LRMDA: variants seen among roughly 807,000 people sequenced by gnomAD.
LRMDA encodes the protein leucine-rich melanocyte differentiation-associated protein.
Under a neutral mutation model 29.8 loss-of-function variants are expected in LRMDA, and 18 were observed. The observed-to-expected ratio is 0.60, with a 90% CI of 0.42 to 0.90. The LOEUF (loss-of-function observed/expected upper bound fraction) is 0.90, where lower values mean the gene tolerates loss of function less well. Ranked by LOEUF, LRMDA falls within the 40% of genes least tolerant of loss-of-function variation. The probability of loss-of-function intolerance (pLI) is 0.00; values close to 1 mark genes in which losing one functional copy is unlikely to be tolerated. For synonymous variants in LRMDA, 125 were observed against 109.4 expected (o/e 1.14, Z -0.89); for missense variants, 273 against 273.9 (o/e 1.00, Z 0.02).
At chr10:75,818,883 T>C (rs1027811031) in intron 2 of LRMDA, among the ~76,000 whole-genome samples, 3 of 152,140 alleles carry the variant, frequency 2.0e-5, no homozygotes, top group African/African-American at 7.2e-5. Flanking sequence ...ATGAGTAAAG[T>C]AGGGGCAATG....
At chr10:75,845,284 C>T (rs189387128) in intron 2 of LRMDA, among the ~76,000 whole-genome samples, 27 of 152,036 alleles carry the variant, frequency 1.8e-4, no homozygotes, top group African/African-American at 6.3e-4. Context: ...TTAGGCTTAT[C>T]AGCAACAATG....
At chr10:76,021,928 A>T (rs2132492098) in intron 2 of LRMDA, among the ~76,000 whole-genome samples, 1 of 152,320 alleles carries the variant, frequency 6.6e-6, no homozygotes, top group Non-Finnish European at 1.5e-5. Context: ...GCTTTTTCCT[A>T]TGCAGAAAGG....
intron 6 of LRMDA, among the ~76,000 whole-genome samples, chr10:76,520,246 G>T (rs1843104840): frequency 6.7e-6 from 1 of 149,636 alleles, no homozygotes. Flanking sequence ...CTTCTATTTT[G>T]TAACACTAAT....
At chr10:76,216,825 G>A (rs985876152) in intron 5 of LRMDA, among the ~76,000 whole-genome samples, 9 of 152,220 alleles carry the variant, frequency 5.9e-5, no homozygotes, top group African/African-American at 9.6e-5. Flanking sequence ...TAGGACGCAT[G>A]TAAAGAAAGT....
chr10:75,474,193 A>T (rs1844761177), intron 2 of LRMDA, among the ~76,000 whole-genome samples: 2 of 152,256 alleles, frequency 1.3e-5, no homozygotes, highest in South Asian at 4.1e-4. Context: ...ATGCAGGAAT[A>T]CCTGGTATCA....
chr10:75,438,274 T>G, intron 1 of LRMDA, 120 bp from the exon 2 acceptor site: 1 of 812,042 alleles, frequency 1.2e-6, no homozygotes, highest in East Asian at 2.7e-5. Context: ...GTGGCCTTTT[T>G]GTGTGTGAGA....
intron 2 of LRMDA, among the ~76,000 whole-genome samples, chr10:75,717,058 A>C (rs945077889): frequency 1.4e-4 from 22 of 152,132 alleles, no homozygotes; most frequent in African/African-American, 5.1e-4. Flanking sequence ...GCTTTCCTGC[A>C]TGTGACTGCC....
At chr10:76,037,580 T>A (rs1461518961) in intron 3 of LRMDA, among the ~76,000 whole-genome samples, 1 of 152,224 alleles carries the variant, frequency 6.6e-6, no homozygotes, top group East Asian at 1.9e-4. Flanking sequence ...ACAACAAACA[T>A]TTATTTCTCA....
chr10:75,811,909 G>A (rs1589214940), intron 2 of LRMDA, among the ~76,000 whole-genome samples: 2 of 152,172 alleles, frequency 1.3e-5, no homozygotes, highest in Non-Finnish European at 2.9e-5. Context: ...TGAATGATGT[G>A]AATTATACTT....
intron 6 of LRMDA, among the ~76,000 whole-genome samples, chr10:76,436,848 C>G (rs567523117): frequency 4.6e-5 from 7 of 152,266 alleles, no homozygotes; most frequent in East Asian, 1.9e-4. Flanking sequence ...TCTGGCCAAG[C>G]CTTCAATTGG....
chr10:75,864,477 A>C (rs1012669929), intron 2 of LRMDA, among the ~76,000 whole-genome samples: 4 of 152,164 alleles, frequency 2.6e-5, no homozygotes, highest in African/African-American at 9.7e-5. Flanking sequence ...TTACCCTTTC[A>C]TTCAACCCAT....
chr10:75,766,307 G>A (rs1046837861), intron 2 of LRMDA, among the ~76,000 whole-genome samples: 17 of 152,322 alleles, frequency 1.1e-4, no homozygotes, highest in Non-Finnish European at 1.9e-4. Context: ...TTTCAGAGAG[G>A]AAGCATCTTG....
At chr10:76,199,656 A>G (rs1851392310) in intron 5 of LRMDA, among the ~76,000 whole-genome samples, 1 of 152,208 alleles carries the variant, frequency 6.6e-6, no homozygotes, top group Non-Finnish European at 1.5e-5. Context: ...GACAATAGTC[A>G]CAGGCACTGA....
intron 6 of LRMDA, among the ~76,000 whole-genome samples, chr10:76,419,821 AAC>A (rs1483467177): frequency 1.3e-5 from 2 of 152,050 alleles, no homozygotes; most frequent in Non-Finnish European, 2.9e-5. Flanking sequence ...TATTTTCGAT[AAC>A]AGTCTTTTAT....
chr10:75,765,400 G>A (rs922784661), intron 2 of LRMDA, among the ~76,000 whole-genome samples: 1 of 152,072 alleles, frequency 6.6e-6, no homozygotes, highest in African/African-American at 2.4e-5. Context: ...AGTGTTGTGT[G>A]GAACAACTGA....
chr10:76,353,135 G>A (rs1841198006), intron 6 of LRMDA, among the ~76,000 whole-genome samples: 1 of 152,114 alleles, frequency 6.6e-6, no homozygotes, highest in Admixed American at 6.6e-5. Flanking sequence ...GTAGACTGAA[G>A]AGGAGTGATT....
At chr10:76,361,258 C>CAAA (rs67200824) in intron 6 of LRMDA, among the ~76,000 whole-genome samples, 2 of 132,410 alleles carry the variant, frequency 1.5e-5, no homozygotes, top group African/African-American at 5.4e-5. Flanking sequence ...GAGACTGTCT[C>CAAA]AAAAAAAAAA....
intron 2 of LRMDA, among the ~76,000 whole-genome samples, chr10:75,671,028 G>T (rs1474398094): frequency 2.0e-5 from 3 of 152,122 alleles, no homozygotes. Flanking sequence ...TGGGAAAGTT[G>T]TCTGCCCCTG....
intron 2 of LRMDA, among the ~76,000 whole-genome samples, chr10:75,943,964 G>T (rs1433841828): frequency 6.6e-6 from 1 of 152,162 alleles, no homozygotes; most frequent in African/African-American, 2.4e-5. Flanking sequence ...GAAATTGAAA[G>T]AAGTGAGCTT....
Sources: gnomAD v4.1 joint callset for allele counts (sites outside exome capture counted in the v4.1 genomes callset) on GRCh38, gnomAD v4.1.1 for gene constraint, MANE v1.5 for transcripts, NCBI Gene and HGNC (gene_info 2026-07-23, HGNC 2026-07-21) for gene names.